AGBL4: variants seen among roughly 807,000 people sequenced by gnomAD.
The protein encoded by AGBL4 is cytosolic carboxypeptidase 6.
Under a neutral mutation model 66.4 loss-of-function variants are expected in AGBL4, and 58 were observed. The ratio of observed to expected loss-of-function variants is 0.87; its 90% CI spans 0.71 to 1.09. The LOEUF (loss-of-function observed/expected upper bound fraction) is 1.09, where lower values mean the gene tolerates loss of function less well. Among genes scored for constraint, AGBL4 ranks in the 50% least tolerant of loss-of-function variants. AGBL4 has a pLI of 0.00. For synonymous variants in AGBL4, 234 were observed against 222.9 expected, an observed-to-expected ratio of 1.05 and a Z score of -0.44; for missense variants, 579 against 631.0, an observed-to-expected ratio of 0.92 and a Z score of 0.88.
chr1:49,593,258 T>C (rs142410487), intron 3 of AGBL4, among the ~76,000 whole-genome samples: 1 of 151,882 alleles, frequency 6.6e-6, no homozygotes, highest in Admixed American at 6.6e-5. Context: ...ATACAAAAAA[T>C]TAGCCGGGTG....
At chr1:49,062,654 T>C (rs1272839982) in intron 4 of AGBL4, among the ~76,000 whole-genome samples, 1 of 152,182 alleles carries the variant, frequency 6.6e-6, no homozygotes, top group Non-Finnish European at 1.5e-5. Context: ...CTAGAAGAGA[T>C]GCAGAGGATT....
intron 11 of AGBL4, among the ~76,000 whole-genome samples, chr1:48,562,298 G>A (rs1333400240): frequency 6.6e-6 from 1 of 152,194 alleles, no homozygotes; most frequent in Non-Finnish European, 1.5e-5. Context: ...GAGCTAACAG[G>A]ACCCTTAGAG....
chr1:48,585,343 C>T (rs576259256), intron 11 of AGBL4: 1 of 152,328 alleles, frequency 6.6e-6, no homozygotes, highest in African/African-American at 2.4e-5. Flanking sequence ...CAAGCTCAAA[C>T]TCTTATTCCA....
Position 48,663,268 on chromosome 1 carries a change from C to T in AGBL4, c.635-27G>A, listed in dbSNP as rs535653439. 23 of 1,612,014 alleles carry T rather than the reference C, an allele frequency of 1.4e-5. No individual in the cohort carries two copies. In the South Asian group the frequency reaches 1.5e-4, roughly 11 times the overall value. The stretch of plus-strand genomic sequence containing the variant: ...TGTAAGATAAAATGAAAGATGGTTG[C>T]TAAGGAGGGCAAGAAAAGCTGAGTC... On this transcript the variant is annotated intron_variant, in intron 6 of 13. Transcript: ENST00000371839.
At chr1:48,907,813 G>A (rs934121771) in intron 5 of AGBL4, among the ~76,000 whole-genome samples, 1 of 152,150 alleles carries the variant, frequency 6.6e-6, no homozygotes, top group Admixed American at 6.5e-5. Context: ...ACCCTGATGA[G>A]AGCTGCATAC....
intron 4 of AGBL4, among the ~76,000 whole-genome samples, chr1:49,243,649 A>G (rs1020868529): frequency 2.0e-5 from 3 of 151,802 alleles, no homozygotes; most frequent in Non-Finnish European, 2.9e-5. Flanking sequence ...CTGTATCCCA[A>G]TATCTACAAC....
intron 4 of AGBL4, among the ~76,000 whole-genome samples, chr1:49,226,723 TC>T (rs1053122040): frequency 2.0e-5 from 3 of 152,184 alleles, no homozygotes; most frequent in African/African-American, 7.2e-5. Flanking sequence ...ACTCCTTAGG[TC>T]CCCTTTTTTC....
intron 3 of AGBL4, among the ~76,000 whole-genome samples, chr1:49,555,557 G>A (rs1339486061): frequency 4.1e-5 from 6 of 145,080 alleles, no homozygotes; most frequent in African/African-American, 1.5e-4. Context: ...GTAGCTCAAG[G>A]TTTGTAAATG....
intron 12 of AGBL4, 59 bp downstream of exon 12, chr1:48,539,583 C>T (rs964871517): frequency 3.7e-6 from 5 of 1,336,774 alleles, no homozygotes; most frequent in Middle Eastern, 1.9e-4. Flanking sequence ...GGGAAGTTGC[C>T]CCTGAATACA....
chr1:48,961,500 GAAA>G (rs1259412414), intron 5 of AGBL4, among the ~76,000 whole-genome samples: 1 of 152,198 alleles, frequency 6.6e-6, no homozygotes, highest in Non-Finnish European at 1.5e-5. Flanking sequence ...AACAGCAAGG[GAAA>G]ACTGTGTGTT....
chr1:48,837,173 A>T (rs538427276), intron 6 of AGBL4, among the ~76,000 whole-genome samples: 1 of 152,050 alleles, frequency 6.6e-6, no homozygotes, highest in Non-Finnish European at 1.5e-5. Context: ...GATTTTCAAT[A>T]GAATAGTCAG....
chr1:49,012,736 A>G lies in AGBL4; in HGVS notation c.594+32848T>C, dbSNP rs1481316181. On this transcript the variant is annotated intron_variant, in intron 5 of 13. Transcript: ENST00000371839. ...AGTTCCAAAGCAAACTCCTGAGTGA[A>G]AGATCCAAGAGCCCCTTTGGCTGAA... is the stretch of plus-strand genomic sequence containing the variant. Among the ~76,000 whole-genome samples the G allele has an allele frequency of 2.0e-5, 3 of 152,198 alleles. 1 individual carries two copies. The highest frequency in any genetic ancestry group is 7.2e-5 in the African/African-American group (3 of 41,448).
chr1:48,781,464 T>C, intron 6 of AGBL4, among the ~76,000 whole-genome samples: 1 of 152,360 alleles, frequency 6.6e-6, no homozygotes, highest in South Asian at 2.1e-4. Context: ...ACCATAGCCC[T>C]GGGCTTTACA....
intron 3 of AGBL4, among the ~76,000 whole-genome samples, chr1:49,326,235 C>A (rs1436683564): frequency 2.0e-5 from 3 of 152,124 alleles, no homozygotes; most frequent in Non-Finnish European, 2.9e-5. Flanking sequence ...GATATTTTCA[C>A]TAGAAATAGA....
intron 6 of AGBL4, among the ~76,000 whole-genome samples, chr1:48,698,412 C>A (rs1646748789): frequency 6.6e-6 from 1 of 152,166 alleles, no homozygotes; most frequent in Admixed American, 6.5e-5. Flanking sequence ...TTACCCAACA[C>A]CAACATTTTG....
intron 3 of AGBL4, among the ~76,000 whole-genome samples, chr1:49,354,122 C>G (rs1001420121): frequency 6.6e-6 from 1 of 152,164 alleles, no homozygotes; most frequent in Non-Finnish European, 1.5e-5. Flanking sequence ...GTAACACACC[C>G]CTAGATGCTA....
chr1:49,878,431 C>G (rs1647096858), intron 1 of AGBL4, among the ~76,000 whole-genome samples: 1 of 151,646 alleles, frequency 6.6e-6, no homozygotes, highest in Admixed American at 6.6e-5. Context: ...AGTAGTCATT[C>G]AGGAGCAGGT....
intron 3 of AGBL4, among the ~76,000 whole-genome samples, chr1:49,312,578 A>T (rs975198432): frequency 6.6e-6 from 1 of 152,072 alleles, no homozygotes; most frequent in Non-Finnish European, 1.5e-5. Context: ...AAAACAATAT[A>T]TCAGATAAAG....
intron 3 of AGBL4, among the ~76,000 whole-genome samples, chr1:49,567,110 A>G (rs185700863): frequency 8.1e-4 from 123 of 152,324 alleles, no homozygotes; most frequent in African/African-American, 2.8e-3. Context: ...CAGATGCAGG[A>G]TATAATCTCC....
Sources: gnomAD v4.1 joint callset for allele counts (sites outside exome capture counted in the v4.1 genomes callset) on GRCh38, gnomAD v4.1.1 for gene constraint, MANE v1.5 for transcripts, NCBI Gene and HGNC (gene_info 2026-07-23, HGNC 2026-07-21) for gene names.